Variants in GSAP observed in about 807,000 individuals in gnomAD.
GSAP encodes the protein gamma-secretase-activating protein.
GSAP carries 118 observed loss-of-function variants against 131.7 expected under a neutral mutation model. The observed-to-expected ratio is 0.90, with a 90% CI of 0.77 to 1.04. The LOEUF (loss-of-function observed/expected upper bound fraction) is 1.04. GSAP is among the 50% of genes least tolerant of loss of function. GSAP has a pLI of 0.00. For synonymous variants in GSAP, 381 were observed against 363.4 expected, an observed-to-expected ratio of 1.05 and a Z score of -0.55; for missense variants, 1,019 against 1,013.2, an observed-to-expected ratio of 1.01 and a Z score of -0.08.
chr7:77,311,932 A>G lies in GSAP; in HGVS notation c.2382T>C (p.Asn794=). Residue 794 remains asparagine, a synonymous_variant, in exon 30 of 31, where the codon AAT becomes AAC. Coordinates refer to ENST00000257626, the MANE Select transcript of GSAP (RefSeq NM_017439.4). ...LLQNYKKQPR[N]SMINKSSFSV... The stretch of plus-strand genomic sequence containing the variant: ...TGAACGATGACTTGTTAATCATAGA[A>G]TTCCGAGGCTAAAAGGGAAACCACT... 2.5e-6 allele frequency: 4 copies of G among 1,586,292 alleles called. No homozygotes were observed. Among genetic ancestry groups the G allele is most frequent in the Non-Finnish European group, 3.5e-6 (4 of 1,154,778 alleles).
chr7:77,383,164 G>T lies in GSAP; in HGVS notation c.457-521C>A, dbSNP rs1339993527. ...ATCATGCCACTATACTCTAGCCTGG[G>T]TGATAGAGCAAGACTCTGTCTAAAA... On this transcript the variant is annotated intron_variant, in intron 6 of 30. Transcript: ENST00000257626. 3.9e-5 allele frequency among the ~76,000 whole-genome samples: 6 copies of T among 152,180 alleles called. No individual in the cohort carries two copies. In the East Asian group the frequency reaches 1.2e-3, roughly 29 times the overall value.
At chr7:77,398,520 T>C (rs940662194) in intron 3 of GSAP, among the ~76,000 whole-genome samples, 5 of 152,188 alleles carry the variant, frequency 3.3e-5, no homozygotes, top group African/African-American at 1.2e-4. Flanking sequence ...AACGTAAGTA[T>C]AATCTCAATG....
chr7:77,381,326 G>A lies in GSAP; in HGVS notation c.555C>T (p.Ala185=). 2 of 1,558,642 alleles carry A rather than the reference G, an allele frequency of 1.3e-6. No individual in the cohort carries two copies. The highest frequency in any genetic ancestry group is 1.7e-6 in the Non-Finnish European group (2 of 1,146,950). Residue 185 remains alanine (A), a synonymous_variant, in exon 8 of 31, where the codon GCC becomes GCT. Coordinates refer to ENST00000257626, the MANE Select transcript of GSAP (RefSeq NM_017439.4). ...KYIEQFRIHV[A]QEDGNRVVIK... is the part of the protein sequence containing the mutation. ...TTACCACTCTATTTCCATCTTCTTG[G>A]GCGACATGGATACGAAATTGTTCAA...
At chr7:77,403,637 G>C (rs1801759798) in intron 3 of GSAP, among the ~76,000 whole-genome samples, 1 of 152,196 alleles carries the variant, frequency 6.6e-6, no homozygotes, top group Non-Finnish European at 1.5e-5. Context: ...ACATGTGAAG[G>C]TTAAGCAGAA....
At chr7:77,374,254 G>A (rs1796527988) in intron 11 of GSAP, 99 bp from the exon 12 acceptor site, 2 of 598,288 alleles carry the variant, frequency 3.3e-6, no homozygotes, top group Non-Finnish European at 5.9e-6. Context: ...CACAGAAGTA[G>A]AAACACATTC....
intron 12 of GSAP, among the ~76,000 whole-genome samples, chr7:77,372,318 ACGG>A (rs1320569951): frequency 6.6e-6 from 1 of 152,210 alleles, no homozygotes; most frequent in Non-Finnish European, 1.5e-5. Flanking sequence ...GAAGATTTAA[ACGG>A]CCAAATGTAA....
At chr7:77,366,412 CTA>C (rs1795322846) in intron 12 of GSAP, among the ~76,000 whole-genome samples, 1 of 151,876 alleles carries the variant, frequency 6.6e-6, no homozygotes, top group Non-Finnish European at 1.5e-5. Flanking sequence ...TGATTTTTGT[CTA>C]TGTTGTAAGG....
At chr7:77,359,375 C>T (rs1794216201) in intron 14 of GSAP, among the ~76,000 whole-genome samples, 1 of 152,074 alleles carries the variant, frequency 6.6e-6, no homozygotes, top group Admixed American at 6.5e-5. Flanking sequence ...ACTTAACATA[C>T]ACTATTCATT....
chr7:77,351,093 T>G (rs1792801885), intron 18 of GSAP: 1 of 966,502 alleles, frequency 1.0e-6, no homozygotes, highest in Non-Finnish European at 1.2e-6. Flanking sequence ...AGAATATTCC[T>G]GTAAAAAAGG....
intron 5 of GSAP, among the ~76,000 whole-genome samples, chr7:77,390,956 A>AG (rs1799388635): frequency 9.1e-6 from 1 of 110,334 alleles, no homozygotes; most frequent in African/African-American, 3.5e-5. Flanking sequence ...TAAAAAAAAA[A>AG]AAAAAAAAAA....
chr7:77,394,004 G>A (rs1799977601), intron 5 of GSAP, among the ~76,000 whole-genome samples: 1 of 152,100 alleles, frequency 6.6e-6, no homozygotes, highest in South Asian at 2.1e-4. Context: ...TCGATCTTTT[G>A]AATACAGCCA....
chr7:77,347,649 T>G (rs1268320995), intron 19 of GSAP, among the ~76,000 whole-genome samples: 2 of 152,116 alleles, frequency 1.3e-5, no homozygotes, highest in African/African-American at 2.4e-5. Context: ...AATTATAAGT[T>G]TACATAGCAA....
chr7:77,314,177 C>G (rs1794718817), intron 27 of GSAP, among the ~76,000 whole-genome samples, 193 bp downstream of exon 27: 1 of 152,154 alleles, frequency 6.6e-6, no homozygotes, highest in Admixed American at 6.5e-5. Flanking sequence ...GGGCTCAGCA[C>G]AAAATGAACA....
chr7:77,372,474 A>G (rs1563055433), intron 12 of GSAP, among the ~76,000 whole-genome samples: 1 of 152,242 alleles, frequency 6.6e-6, no homozygotes, highest in Non-Finnish European at 1.5e-5. Context: ...AATTTATTTC[A>G]GTAATAAGGG....
intron 1 of GSAP, among the ~76,000 whole-genome samples, chr7:77,410,434 T>C (rs1424982422): frequency 6.6e-6 from 1 of 152,230 alleles, no homozygotes; most frequent in Non-Finnish European, 1.5e-5. Flanking sequence ...CTTCTCCCAG[T>C]AGTTCATCAC....
intron 21 of GSAP, among the ~76,000 whole-genome samples, chr7:77,328,976 T>G (rs1332292974): frequency 1.3e-5 from 2 of 151,952 alleles, no homozygotes; most frequent in African/African-American, 4.8e-5. Context: ...AAATAGGCTT[T>G]CAAAATAAAA....
chr7:77,374,380 T>C (rs1319490011), intron 11 of GSAP, among the ~76,000 whole-genome samples: 1 of 152,204 alleles, frequency 6.6e-6, no homozygotes, highest in Non-Finnish European at 1.5e-5. Flanking sequence ...ACTTTCATCT[T>C]ACATTTTTAT....
At chr7:77,365,628 T>C (rs1181097507) in intron 12 of GSAP, among the ~76,000 whole-genome samples, 2 of 152,198 alleles carry the variant, frequency 1.3e-5, no homozygotes, top group African/African-American at 4.8e-5. Context: ...TTATCCAATC[T>C]GTCACTGATG....
intron 6 of GSAP, among the ~76,000 whole-genome samples, chr7:77,384,911 A>T (rs1798333291): frequency 6.6e-6 from 1 of 152,172 alleles, no homozygotes; most frequent in South Asian, 2.1e-4. Flanking sequence ...AGGCAGAGAC[A>T]TGGGGGCAGA....
Sources: allele counts gnomAD v4.1 joint callset (sites outside exome capture counted in the v4.1 genomes callset), GRCh38; gene constraint gnomAD v4.1.1; transcripts MANE v1.5; gene names NCBI Gene and HGNC (gene_info 2026-07-23, HGNC 2026-07-21).